Variants in CNPY1 observed in about 807,000 individuals in gnomAD.
CNPY1 encodes protein canopy homolog 1.
Under a neutral mutation model 14.4 loss-of-function variants are expected in CNPY1, and 14 were observed. The observed-to-expected ratio is 0.97, with a 90% CI of 0.64 to 1.52. CNPY1 has a LOEUF of 1.52. Ranked by LOEUF, CNPY1 falls within the 40% of genes most tolerant of loss-of-function variation. CNPY1 has a pLI of 0.00. For synonymous variants in CNPY1, 43 were observed against 46.5 expected (o/e 0.92, Z 0.31); for missense variants, 129 against 131.5 (o/e 0.98, Z 0.09).
chr7:155,545,708 T>G (rs1797149666), intron 2 of CNPY1, 123 bp downstream of exon 2: 1 of 393,812 alleles, frequency 2.5e-6, no homozygotes, highest in East Asian at 3.6e-5. Flanking sequence ...CAGAAGCAAT[T>G]TAGAGCTGAT....
At chr7:155,517,235 G>A (rs943006093) in intron 2 of CNPY1, among the ~76,000 whole-genome samples, 1 of 152,152 alleles carries the variant, frequency 6.6e-6, no homozygotes, top group Non-Finnish European at 1.5e-5. Context: ...GTCCTTGTAG[G>A]AAGAGGACAT....
intron 2 of CNPY1, among the ~76,000 whole-genome samples, chr7:155,542,603 C>T (rs1348868470): frequency 6.6e-6 from 1 of 152,132 alleles, no homozygotes; most frequent in African/African-American, 2.4e-5. Flanking sequence ...GAAAAAAAAG[C>T]GGGGTCCCCA....
In CNPY1 at chr7:155,508,936, T is replaced by C; in HGVS notation, c.261A>G (p.Lys87=). The change falls in exon 3 of 5, where the codon AAA becomes AAG. Residue 87 remains lysine (K), a synonymous_variant. Transcript: ENST00000636446. Reference sequence around the variant, plus strand: ...TGTAAGCATCAGAATAAAAATACAATTTTTTAAATTCTTGGTATATTTTGT... The same window carrying C: ...TGTAAGCATCAGAATAAAAATACAACTTTTTAAATTCTTGGTATATTTTGT... ...KGDKIYQEFK[K]LYFYSDAYRP... 1.2e-6 allele frequency: 2 copies of C among 1,613,610 alleles called. No homozygotes were observed. The highest frequency in any genetic ancestry group is 1.7e-6 in the Non-Finnish European group (2 of 1,179,766).
chr7:155,507,158 T>C (rs779845856), intron 3 of CNPY1, 42 bp from the exon 4 acceptor site: 11 of 1,251,878 alleles, frequency 8.8e-6, no homozygotes, highest in Non-Finnish European at 2.3e-6. Context: ...AGACGCACAC[T>C]GGCGGGGCAC....
At chr7:155,528,926 T>C (rs1015495651) in intron 2 of CNPY1, among the ~76,000 whole-genome samples, 3 of 152,042 alleles carry the variant, frequency 2.0e-5, no homozygotes, top group East Asian at 1.9e-4. Context: ...CCAGGCATGG[T>C]GGCAGGCGCC....
chr7:155,527,054 C>CTTTCTTTCTTTCTTTCTTTCTTTCT (rs56296833), intron 2 of CNPY1, among the ~76,000 whole-genome samples: 1 of 90,358 alleles, frequency 1.1e-5, no homozygotes, highest in African/African-American at 5.0e-5. Context: ...TTCTTTCTTT[C>CTTTCTTTCTTTCTTTCTTTCTTTCT]TTTTTTTTTT....
intron 2 of CNPY1, among the ~76,000 whole-genome samples, chr7:155,541,617 T>G (rs1438929245): frequency 1.3e-5 from 2 of 152,242 alleles, no homozygotes; most frequent in Admixed American, 1.3e-4. Context: ...CGGGCCTGGC[T>G]TGGAGGCTCC....
At chr7:155,535,929 G>T (rs118144808) in intron 2 of CNPY1, among the ~76,000 whole-genome samples, 2,440 of 152,314 alleles carry the variant, frequency 0.016, 33 homozygotes, top group Non-Finnish European at 0.021. Context: ...ATGGGAATCA[G>T]GTATGGGGAG....
chr7:155,503,156 C>T (rs373766528), intron 4 of CNPY1, 51 bp from the exon 5 acceptor site: 2 of 1,426,068 alleles, frequency 1.4e-6, no homozygotes, highest in South Asian at 2.4e-5. Flanking sequence ...TAGACTCCAG[C>T]CCGTTAAGTC....
At chr7:155,543,308 G>A (rs1797122761) in intron 2 of CNPY1, among the ~76,000 whole-genome samples, 1 of 152,136 alleles carries the variant, frequency 6.6e-6, no homozygotes, top group Admixed American at 6.5e-5. Flanking sequence ...CTTCACTGAA[G>A]GCCAAGCTGA....
chr7:155,513,281 T>G (rs989785837), intron 2 of CNPY1, among the ~76,000 whole-genome samples: 2 of 152,150 alleles, frequency 1.3e-5, no homozygotes, highest in Non-Finnish European at 2.9e-5. Flanking sequence ...ATGAATTGCA[T>G]CTGGACGTAA....
chr7:155,513,596 T>C (rs1796565160), intron 2 of CNPY1, among the ~76,000 whole-genome samples: 1 of 150,772 alleles, frequency 6.6e-6, no homozygotes, highest in South Asian at 2.2e-4. Context: ...ACCAGTAACA[T>C]ATATGCTTAG....
chr7:155,526,020 G>T (rs929331526), intron 2 of CNPY1, among the ~76,000 whole-genome samples: 1 of 152,138 alleles, frequency 6.6e-6, no homozygotes, highest in Admixed American at 6.5e-5. Flanking sequence ...GGGAATGGGG[G>T]TACAAGATTA....
At chr7:155,524,230 G>A (rs1796778951) in intron 2 of CNPY1, among the ~76,000 whole-genome samples, 1 of 152,234 alleles carries the variant, frequency 6.6e-6, no homozygotes, top group South Asian at 2.1e-4. Context: ...TAGAGGTGGG[G>A]TGGTAAACTC....
intron 4 of CNPY1, among the ~76,000 whole-genome samples, chr7:155,505,951 C>G (rs920517222): frequency 6.6e-6 from 1 of 152,096 alleles, no homozygotes; most frequent in African/African-American, 2.4e-5. Flanking sequence ...ATTATCTACT[C>G]AGAGTATAAG....
intron 2 of CNPY1, among the ~76,000 whole-genome samples, chr7:155,522,451 G>A (rs913598871): frequency 1.3e-5 from 2 of 152,248 alleles, no homozygotes; most frequent in African/African-American, 4.8e-5. Context: ...GTCCCTGCTG[G>A]GGGCTTCCAT....
At chr7:155,532,921 C>T (rs1395873099) in intron 2 of CNPY1, among the ~76,000 whole-genome samples, 2 of 152,098 alleles carry the variant, frequency 1.3e-5, no homozygotes, top group Non-Finnish European at 2.9e-5. Context: ...TTCATCTCAT[C>T]AGTCAGGAAA....
At chr7:155,506,106 C>T (rs1033099366) in intron 4 of CNPY1, among the ~76,000 whole-genome samples, 5 of 152,170 alleles carry the variant, frequency 3.3e-5, no homozygotes, top group African/African-American at 7.2e-5. Flanking sequence ...ATTTTAAGGA[C>T]TTTGGCACTA....
At position 155,509,288 on chromosome 7, in the gene CNPY1, G is replaced by A. The variant is rs535254331; in HGVS notation, c.100-191C>T. On this transcript the variant is annotated intron_variant, in intron 2 of 4. Coordinates refer to ENST00000636446, the MANE Select transcript of CNPY1 (RefSeq NM_001393663.1). ...ACAACGACCTGCTTTACATCATTACGGGGCTAGCGTAAATTCCAGTTTTTT... is the reference window on the plus strand; with the variant it reads ...ACAACGACCTGCTTTACATCATTACAGGGCTAGCGTAAATTCCAGTTTTTT... Among the ~76,000 whole-genome samples, 35 of 152,262 alleles carry A rather than the reference G, an allele frequency of 2.3e-4. 1 individual carries two copies. The highest frequency in any genetic ancestry group is 8.4e-4 in the African/African-American group (35 of 41,536).
Sources: gnomAD v4.1 joint callset for allele counts (sites outside exome capture counted in the v4.1 genomes callset) on GRCh38, gnomAD v4.1.1 for gene constraint, MANE v1.5 for transcripts, NCBI Gene and HGNC (gene_info 2026-07-23, HGNC 2026-07-21) for gene names.